The following LARGE1 variants were observed in gnomAD, a reference collection of about 807,000 sequenced individuals.
The protein encoded by LARGE1 is xylosyl- and glucuronyltransferase LARGE1.
In LARGE1, 43 loss-of-function variants were observed where a neutral mutation model predicts 87.6. The ratio of observed to expected loss-of-function variants is 0.49; its 90% CI spans 0.38 to 0.63. LARGE1 has a LOEUF of 0.63. Ranked by LOEUF, LARGE1 falls within the 30% of genes least tolerant of loss-of-function variation. LARGE1 has a pLI of 0.00. For synonymous variants in LARGE1, 434 were observed against 394.6 expected, an observed-to-expected ratio of 1.10 and a Z score of -1.18; for missense variants, 802 against 1,000.2, an observed-to-expected ratio of 0.80 and a Z score of 2.67.
intron 1 of LARGE1, among the ~76,000 whole-genome samples, chr22:33,806,067 C>T (rs5754681): frequency 0.27 from 40,967 of 151,992 alleles, 5,725 homozygotes; most frequent in East Asian, 0.4. Flanking sequence ...CAAAACAAAA[C>T]CCCACACCCA....
chr22:33,295,601 T>C (rs1188903459), intron 12 of LARGE1, among the ~76,000 whole-genome samples: 1 of 152,174 alleles, frequency 6.6e-6, no homozygotes, highest in Non-Finnish European at 1.5e-5. Flanking sequence ...GGAGGCCACC[T>C]CAGCACAGCC....
At chr22:33,575,053 A>T (rs1365637415) in intron 5 of LARGE1, among the ~76,000 whole-genome samples, 1 of 152,154 alleles carries the variant, frequency 6.6e-6, no homozygotes, top group Non-Finnish European at 1.5e-5. Context: ...TCCTATTGAG[A>T]GGTTACAATT....
At chr22:33,445,273 T>G (rs1315727000) in intron 6 of LARGE1, among the ~76,000 whole-genome samples, 7 of 152,162 alleles carry the variant, frequency 4.6e-5, no homozygotes, top group African/African-American at 1.4e-4. Context: ...CTCCCACATA[T>G]GAATTTTGGG....
chr22:33,324,133 A>G (rs146563124), intron 10 of LARGE1, among the ~76,000 whole-genome samples: 7,021 of 148,508 alleles, frequency 0.047, 288 homozygotes, highest in African/African-American at 0.13. Flanking sequence ...TCGGGAGGCT[A>G]AGGCAGAACA....
At chr22:33,861,144 T>C (rs2146591613) in intron 1 of LARGE1, among the ~76,000 whole-genome samples, 1 of 152,260 alleles carries the variant, frequency 6.6e-6, no homozygotes, top group East Asian at 1.9e-4. Context: ...TTCCCATCTG[T>C]GCGGCAAGGA....
chr22:33,120,376 T>A, the LARGE1 span, among the ~76,000 whole-genome samples: 1 of 88,206 alleles, frequency 1.1e-5, no homozygotes, highest in Admixed American at 9.7e-5. Context: ...CTTTCTTTCT[T>A]TCTTTCTTTC....
At chr22:33,700,326 T>C (rs2082368748) in intron 2 of LARGE1, among the ~76,000 whole-genome samples, 1 of 152,214 alleles carries the variant, frequency 6.6e-6, no homozygotes, top group Non-Finnish European at 1.5e-5. Flanking sequence ...CACCCAGTAC[T>C]ATCTACCATC....
chr22:33,512,010 A>G (rs2071080423), intron 6 of LARGE1, among the ~76,000 whole-genome samples: 1 of 152,198 alleles, frequency 6.6e-6, no homozygotes, highest in African/African-American at 2.4e-5. Flanking sequence ...TTGTAAAGCC[A>G]TGATTTTTTT....
At position 33,590,317 on chromosome 22, in the gene LARGE1, GT is replaced by G. The variant is rs371452466; in HGVS notation, c.615+14117del. Among the ~76,000 whole-genome samples, 245 of 152,270 alleles carry G rather than the reference GT, an allele frequency of 1.6e-3. 1 individual carries two copies. The highest frequency in any genetic ancestry group is 5.6e-3 in the African/African-American group (231 of 41,554). ...TATTGCTATTTAACCAAGAATTAAAGTTGTTATCCAGTAATGGAAGAGTTTA... is the reference window on the plus strand; with the variant it reads ...TATTGCTATTTAACCAAGAATTAAAGTGTTATCCAGTAATGGAAGAGTTTA... On this transcript the variant is annotated intron_variant, in intron 5 of 14. Coordinates refer to ENST00000397394, the MANE Select transcript of LARGE1 (RefSeq NM_133642.5).
chr22:33,821,402 C>A (rs1406168367), intron 1 of LARGE1, among the ~76,000 whole-genome samples: 2 of 152,180 alleles, frequency 1.3e-5, no homozygotes, highest in Non-Finnish European at 2.9e-5. Flanking sequence ...CCTCCCCATC[C>A]TGAAATGATA....
downstream of LARGE1, among the ~76,000 whole-genome samples, chr22:33,271,866 C>T (rs546076370): frequency 1.1e-4 from 16 of 152,330 alleles, no homozygotes; most frequent in South Asian, 3.3e-3. Context: ...CAGTGTAAGG[C>T]ACCTGTCTTT....
intron 1 of LARGE1, among the ~76,000 whole-genome samples, chr22:33,855,490 G>T (rs2063732147): frequency 6.6e-6 from 1 of 152,168 alleles, no homozygotes. Flanking sequence ...AGACCTCAGG[G>T]TCTGGAGGGC....
At chr22:33,749,676 G>T (rs5754655) in intron 2 of LARGE1, among the ~76,000 whole-genome samples, 1 of 152,196 alleles carries the variant, frequency 6.6e-6, no homozygotes, top group Non-Finnish European at 1.5e-5. Flanking sequence ...GTCTATGACA[G>T]AAACAAAATG....
chr22:33,751,848 A>T (rs2084329204), intron 2 of LARGE1, among the ~76,000 whole-genome samples: 1 of 151,880 alleles, frequency 6.6e-6, no homozygotes, highest in African/African-American at 2.4e-5. Flanking sequence ...GCTCACTGGA[A>T]CATTCGCCTC....
intron 6 of LARGE1, among the ~76,000 whole-genome samples, chr22:33,536,211 C>T (rs1045613883): frequency 7.2e-5 from 11 of 152,188 alleles, no homozygotes; most frequent in African/African-American, 2.4e-4. Flanking sequence ...CAATCTGCAG[C>T]TGTTCTCTTG....
chr22:33,138,345 T>C, the LARGE1 span, among the ~76,000 whole-genome samples: 3 of 152,186 alleles, frequency 2.0e-5, no homozygotes, highest in South Asian at 4.2e-4. Context: ...GTACCTCCAT[T>C]GTATGTAGGA....
At chr22:33,102,371 C>T in the LARGE1 span, among the ~76,000 whole-genome samples, 1 of 151,900 alleles carries the variant, frequency 6.6e-6, no homozygotes, top group African/African-American at 2.4e-5. Context: ...AGAGGTTTCA[C>T]CATGTTGGCT....
chr22:33,405,013 G>T (rs1292734340), intron 7 of LARGE1, among the ~76,000 whole-genome samples: 2 of 152,226 alleles, frequency 1.3e-5, no homozygotes, highest in African/African-American at 4.8e-5. Flanking sequence ...GGGAAGAGGA[G>T]CATAAAGGAG....
chr22:33,493,011 C>A (rs923514372), intron 6 of LARGE1, among the ~76,000 whole-genome samples: 37 of 152,094 alleles, frequency 2.4e-4, no homozygotes, highest in Non-Finnish European at 7.4e-5. Context: ...TCAGAGTATC[C>A]CATTAAATTC....
Sources: allele counts gnomAD v4.1 joint callset (sites outside exome capture counted in the v4.1 genomes callset), GRCh38; gene constraint gnomAD v4.1.1; transcripts MANE v1.5; gene names NCBI Gene and HGNC (gene_info 2026-07-23, HGNC 2026-07-21).